The following MPP7 variants were observed in gnomAD, a reference collection of about 807,000 sequenced individuals.
MPP7 encodes MAGUK p55 scaffold protein 7, also known as MAGUK p55 subfamily member 7.
MPP7 carries 60 observed loss-of-function variants against 76.5 expected under a neutral mutation model. The observed-to-expected ratio is 0.78, with a 90% CI of 0.64 to 0.97. MPP7 has a LOEUF of 0.97. MPP7 is among the 50% of genes least tolerant of loss of function. MPP7 has a pLI of 0.00. For missense variants in MPP7, 641 were observed against 694.0 expected (o/e 0.92, Z 0.86); for synonymous variants, 237 against 244.5 (o/e 0.97, Z 0.29).
intron 12 of MPP7, among the ~76,000 whole-genome samples, chr10:28,082,099 C>T (rs928749679): frequency 9.2e-5 from 14 of 152,162 alleles, no homozygotes; most frequent in African/African-American, 2.9e-4. Flanking sequence ...CTTTTTCCAT[C>T]TTCCTACATA....
upstream of MPP7, among the ~76,000 whole-genome samples, chr10:28,334,872 ATTG>A (rs1406475174): frequency 8.5e-5 from 13 of 152,178 alleles, no homozygotes; most frequent in Non-Finnish European, 1.8e-4. Context: ...TTACTTACCT[ATTG>A]TTGTGTAACA....
chr10:28,326,907 T>C (rs959565491), intron 2 of MPP7, among the ~76,000 whole-genome samples: 1 of 152,174 alleles, frequency 6.6e-6, no homozygotes, highest in African/African-American at 2.4e-5. Context: ...AATGCTTAGA[T>C]GCAAGAAAGA....
At chr10:28,132,019 C>T (rs567109059) in intron 5 of MPP7, among the ~76,000 whole-genome samples, 3 of 151,956 alleles carry the variant, frequency 2.0e-5, no homozygotes, top group African/African-American at 7.2e-5. Flanking sequence ...CAATTTGGGG[C>T]AAGAGTGCGG....
At chr10:28,159,507 A>C (rs1836185378) in intron 3 of MPP7, among the ~76,000 whole-genome samples, 1 of 152,184 alleles carries the variant, frequency 6.6e-6, no homozygotes, top group Non-Finnish European at 1.5e-5. Context: ...AATATCTTTC[A>C]TTTCTGGCTA....
chr10:28,103,111 AG>A (rs1171854444), intron 11 of MPP7, among the ~76,000 whole-genome samples: 1 of 150,646 alleles, frequency 6.6e-6, no homozygotes, highest in Non-Finnish European at 1.5e-5. Flanking sequence ...GTCCTGTCTC[AG>A]GGCCTTTGCA....
chr10:28,172,511 C>T (rs1329465250), intron 3 of MPP7, among the ~76,000 whole-genome samples: 1 of 152,222 alleles, frequency 6.6e-6, no homozygotes, highest in Non-Finnish European at 1.5e-5. Context: ...GACTCTACTA[C>T]ACCGACTCAG....
At chr10:28,174,614 T>C (rs904646134) in intron 3 of MPP7, among the ~76,000 whole-genome samples, 1 of 152,156 alleles carries the variant, frequency 6.6e-6, no homozygotes, top group Non-Finnish European at 1.5e-5. Context: ...GACTATTCCT[T>C]TGTAGCAACA....
chr10:28,248,936 C>T, intron 1 of MPP7, among the ~76,000 whole-genome samples: 1 of 152,052 alleles, frequency 6.6e-6, no homozygotes, highest in Non-Finnish European at 1.5e-5. Context: ...AGAACGTCTC[C>T]CTGTCGTTAA....
chr10:28,087,695 C>T (rs1853087048), intron 12 of MPP7, among the ~76,000 whole-genome samples: 1 of 152,188 alleles, frequency 6.6e-6, no homozygotes, highest in Non-Finnish European at 1.5e-5. Context: ...TGCGCCCAGC[C>T]TCAATGCCAT....
Position 28,077,707 on chromosome 10 carries a change from A to G in MPP7, c.1124-7855T>C, listed in dbSNP as rs145582170. Among the ~76,000 whole-genome samples the G allele has an allele frequency of 3.2e-3, 492 of 152,344 alleles. 4 individuals carry two copies. The highest frequency in any genetic ancestry group is 0.011 in the African/African-American group (439 of 41,584). ...GGATAGCTTCATTTACCCCTTCGATAAAGAAATTTTTATCACAATTGGTGA... is the reference window on the plus strand; with the variant it reads ...GGATAGCTTCATTTACCCCTTCGATGAAGAAATTTTTATCACAATTGGTGA... On this transcript the variant is annotated intron_variant, in intron 12 of 16. Coordinates refer to ENST00000683449, the MANE Select transcript of MPP7 (RefSeq NM_001318170.2).
At chr10:28,262,873 T>C (rs1183955680) in intron 1 of MPP7, among the ~76,000 whole-genome samples, 1 of 152,050 alleles carries the variant, frequency 6.6e-6, no homozygotes, top group African/African-American at 2.4e-5. Context: ...CTGACCAACA[T>C]GGTGAAACCC....
chr10:28,306,858 T>G (rs923987148), upstream of MPP7, among the ~76,000 whole-genome samples: 1 of 152,096 alleles, frequency 6.6e-6, no homozygotes, highest in Non-Finnish European at 1.5e-5. Flanking sequence ...AGGAACTCAA[T>G]GGAATTTTTT....
chr10:28,099,650 CAAAAAAATCAGCCGG>C (rs1293880526), intron 11 of MPP7, among the ~76,000 whole-genome samples: 1 of 151,846 alleles, frequency 6.6e-6, no homozygotes, highest in Non-Finnish European at 1.5e-5. Flanking sequence ...ACTAAAAATA[CAAAAAAATCAGCCGG>C]ATGTGGTGGT....
chr10:28,070,725 A>C (rs1852204590), intron 12 of MPP7, among the ~76,000 whole-genome samples: 1 of 152,226 alleles, frequency 6.6e-6, no homozygotes, highest in African/African-American at 2.4e-5. Flanking sequence ...TATAAGGAGC[A>C]AGGCATACAG....
At chr10:28,085,821 A>G (rs1264653037) in intron 12 of MPP7, among the ~76,000 whole-genome samples, 1 of 152,196 alleles carries the variant, frequency 6.6e-6, no homozygotes, top group African/African-American at 2.4e-5. Context: ...TCACAGGGCT[A>G]GAAAAAAAAG....
chr10:28,273,614 G>A (rs1840396935), intron 1 of MPP7, among the ~76,000 whole-genome samples: 1 of 152,184 alleles, frequency 6.6e-6, no homozygotes, highest in African/African-American at 2.4e-5. Context: ...AGCATTCAGA[G>A]ACTATAAAAG....
intron 2 of MPP7, among the ~76,000 whole-genome samples, chr10:28,315,162 G>A (rs901510110): frequency 2.1e-5 from 3 of 146,166 alleles, no homozygotes; most frequent in Non-Finnish European, 4.5e-5. Flanking sequence ...AAGACAGAAA[G>A]AGAGAGAGAG....
In MPP7 at chr10:28,175,065, G is replaced by A. The variant is rs542294679; in HGVS notation, c.157-25006C>T. On this transcript the variant is annotated intron_variant, in intron 3 of 16. Coordinates refer to ENST00000683449, the MANE Select transcript of MPP7 (RefSeq NM_001318170.2). ...AGCACTTTGGGAGGCCGAGGTGGGC[G>A]GATCACTTGAGGTCAGGAGTTTGAG... 2.1e-3 allele frequency among the ~76,000 whole-genome samples: 324 copies of A among 152,210 alleles called. 13 individuals are homozygous for A. The highest frequency in any genetic ancestry group is 0.017 in the Admixed American group (264 of 15,284).
intron 2 of MPP7, among the ~76,000 whole-genome samples, chr10:28,220,717 GT>G (rs1838473881): frequency 6.6e-6 from 1 of 152,174 alleles, no homozygotes; most frequent in African/African-American, 2.4e-5. Flanking sequence ...GGCCTATTTG[GT>G]TGTAGAGATG....
Sources: gnomAD v4.1 joint callset for allele counts (sites outside exome capture counted in the v4.1 genomes callset) on GRCh38, gnomAD v4.1.1 for gene constraint, MANE v1.5 for transcripts, NCBI Gene and HGNC (gene_info 2026-07-23, HGNC 2026-07-21) for gene names.